DUSP16: variants seen among roughly 807,000 people sequenced by gnomAD.
DUSP16 encodes the protein dual specificity phosphatase 16, also known as dual specificity protein phosphatase 16.
Under a neutral mutation model 58.3 loss-of-function variants are expected in DUSP16, and 21 were observed. The observed-to-expected ratio is 0.36, with a 90% CI of 0.26 to 0.52. DUSP16 has a LOEUF of 0.52. Among genes scored for constraint, DUSP16 ranks in the 20% least tolerant of loss-of-function variants. DUSP16 has a pLI of 0.94. For synonymous variants in DUSP16, 320 were observed against 323.8 expected, an observed-to-expected ratio of 0.99 and a Z score of 0.12; for missense variants, 726 against 819.0, an observed-to-expected ratio of 0.89 and a Z score of 1.39.
Position 12,521,009 on chromosome 12 carries a change from A to G in DUSP16, c.90T>C (p.Asp30=). 1 of 1,614,196 alleles carries G rather than the reference A, an allele frequency of 6.2e-7. No homozygotes were observed. ...TATTGTATTCCACAAATGGCCGGCT[A>G]TCAATTAGCAGCACTTTTTCCGTTC... The part of the protein sequence containing the change: ...ESGTEKVLLI[D]SRPFVEYNTS... The change falls in exon 2 of 7, where the codon GAT becomes GAC. Residue 30 remains aspartate, a synonymous_variant. Coordinates refer to ENST00000298573, the MANE Select transcript of DUSP16 (RefSeq NM_030640.3).
chr12:12,538,340 G>A (rs1256707355), intron 1 of DUSP16, among the ~76,000 whole-genome samples: 1 of 152,174 alleles, frequency 6.6e-6, no homozygotes, highest in Non-Finnish European at 1.5e-5. Flanking sequence ...GTCATGTCAC[G>A]TCATTAAAGA....
rs1453258043 is a variant in DUSP16 at position 12,521,002 on chromosome 12, G to A, written c.97C>T (p.Pro33Ser). The A allele has an allele frequency of 1.2e-6, 2 of 1,614,148 alleles. No individual in the cohort carries two copies. The highest frequency in any genetic ancestry group is 1.1e-5 in the South Asian group (1 of 91,082). The change falls in exon 2 of 7, where the codon CCA becomes TCA. Residue 33 changes from proline (P) to serine (S), a missense_variant. By Grantham distance (74) the Pro-to-Ser change is moderately conservative. Coordinates refer to ENST00000298573, the MANE Select transcript of DUSP16 (RefSeq NM_030640.3). The part of the protein sequence containing the change: ...TEKVLLIDSR[P>S]FVEYNTSHIL... ...TGGGATGTATTGTATTCCACAAATG[G>A]CCGGCTATCAATTAGCAGCACTTTT...
chr12:12,521,318 C>T lies in DUSP16; in HGVS notation c.-220G>A. On this transcript the variant is annotated 5_prime_UTR_variant, in exon 2 of 7. Coordinates refer to ENST00000298573, the MANE Select transcript of DUSP16 (RefSeq NM_030640.3). ...GATGTGCTCTTGCAAAGGACTCCGT[C>T]CACAAAGCAGCCCCTCACATTTGAT... is the stretch of plus-strand genomic sequence containing the variant. 7.1e-7 allele frequency: 1 copy of T among 1,412,718 alleles called. No homozygotes were observed. Among genetic ancestry groups the T allele is most frequent in the Non-Finnish European group, 9.2e-7 (1 of 1,085,704 alleles). The allele number at this position is 1,412,718 out of a possible 1,614,324, so 87.5% of individuals were successfully genotyped here. A position where few individuals can be genotyped will look rare whatever the true frequency, so the allele number is the denominator to read the frequency against.
chr12:12,513,939 A>C (rs1212547542), intron 3 of DUSP16, among the ~76,000 whole-genome samples: 2 of 152,208 alleles, frequency 1.3e-5, no homozygotes, highest in South Asian at 2.1e-4. Context: ...GCCAAGAAAC[A>C]AGTTTATTTT....
chr12:12,505,408 G>A (rs764180537), intron 3 of DUSP16, among the ~76,000 whole-genome samples: 1 of 152,166 alleles, frequency 6.6e-6, no homozygotes, highest in Non-Finnish European at 1.5e-5. Context: ...AAGAAGATCC[G>A]ACAAGAACAG....
rs1943387150 is a variant in DUSP16 at position 12,474,679 on chromosome 12, T to A, written c.*2154A>T. 1 of 152,234 alleles carries A rather than the reference T, an allele frequency of 6.6e-6. No homozygotes were observed. Among genetic ancestry groups the A allele is most frequent in the East Asian group, 1.9e-4 (1 of 5,184 alleles). The allele number at this position is 152,234 out of a possible 1,614,324, so 9.4% of individuals were successfully genotyped here. Reference sequence around the variant, plus strand: ...ACAGTTCCAGAAGGAAGGGGGACCATGGCCAAGAGAAGCCCTAAATGACAG... The same window carrying A: ...ACAGTTCCAGAAGGAAGGGGGACCAAGGCCAAGAGAAGCCCTAAATGACAG... On this transcript the variant is annotated 3_prime_UTR_variant, in exon 7 of 7. Coordinates refer to ENST00000298573, the MANE Select transcript of DUSP16 (RefSeq NM_030640.3).
Position 12,520,855 on chromosome 12 carries a change from A to G in DUSP16, c.228+16T>C, listed in dbSNP as rs1944224383. 6 of 1,612,668 alleles carry G rather than the reference A, an allele frequency of 3.7e-6. No individual in the cohort carries two copies. On this transcript the variant is annotated intron_variant, in intron 2 of 6. Transcript: ENST00000298573. ...GTGTCCATTTATTTTGAAAAGGCAA[A>G]AAGGAAAGCGTTTACCTTATGTTTC...
chr12:12,506,320 G>A (rs549792592), intron 3 of DUSP16: 2 of 152,154 alleles, frequency 1.3e-5, no homozygotes, highest in Non-Finnish European at 2.9e-5. Context: ...AATGGCTAAC[G>A]GAGACAAAGA....
intron 3 of DUSP16, among the ~76,000 whole-genome samples, chr12:12,503,223 G>A (rs1943935305): frequency 8.1e-6 from 1 of 123,806 alleles, no homozygotes; most frequent in Admixed American, 8.7e-5. Context: ...ACTGGTTATT[G>A]CTTTTTTTTT....
chr12:12,487,696 G>A (rs1434892479), intron 4 of DUSP16, among the ~76,000 whole-genome samples: 4 of 152,100 alleles, frequency 2.6e-5, no homozygotes, highest in African/African-American at 4.8e-5. Flanking sequence ...TTTCCAACCC[G>A]TATCTCCAAC....
intron 4 of DUSP16, among the ~76,000 whole-genome samples, chr12:12,500,148 CAATA>C (rs1943888797): frequency 2.0e-5 from 3 of 152,110 alleles, no homozygotes; most frequent in African/African-American, 4.8e-5. Context: ...TAGTATGTTG[CAATA>C]AATAAATATA....
chr12:12,547,777 G>T (rs145597470), intron 1 of DUSP16, among the ~76,000 whole-genome samples: 1 of 152,264 alleles, frequency 6.6e-6, no homozygotes, highest in African/African-American at 2.4e-5. Flanking sequence ...CTAGCTATTG[G>T]CTGGCAACAA....
At chr12:12,548,398 G>A (rs912678839) in intron 1 of DUSP16, among the ~76,000 whole-genome samples, 2 of 152,066 alleles carry the variant, frequency 1.3e-5, no homozygotes, top group African/African-American at 4.8e-5. Context: ...CACTTTGGGA[G>A]GCCGAGGCAG....
chr12:12,524,740 A>G (rs898994039), intron 1 of DUSP16, among the ~76,000 whole-genome samples: 2 of 152,208 alleles, frequency 1.3e-5, no homozygotes, highest in Admixed American at 1.3e-4. Flanking sequence ...TTATCTATTT[A>G]TTTAGCCAGC....
chr12:12,517,385 G>C (rs892372490), intron 3 of DUSP16, among the ~76,000 whole-genome samples: 1 of 152,180 alleles, frequency 6.6e-6, no homozygotes, highest in Non-Finnish European at 1.5e-5. Context: ...AGTAGCCCCT[G>C]TGAGAAACTA....
intron 1 of DUSP16, among the ~76,000 whole-genome samples, chr12:12,532,221 T>C (rs1444927674): frequency 6.6e-6 from 1 of 151,854 alleles, no homozygotes; most frequent in South Asian, 2.1e-4. Flanking sequence ...TCAGTTAAAA[T>C]ACACATGAAA....
At chr12:12,512,549 CCA>C (rs1288849210) in intron 3 of DUSP16, among the ~76,000 whole-genome samples, 5 of 152,116 alleles carry the variant, frequency 3.3e-5, no homozygotes, top group African/African-American at 1.2e-4. Context: ...TCTTTTAGAT[CCA>C]CATGTGATAC....
chr12:12,499,671 A>C (rs1040760254), intron 4 of DUSP16, among the ~76,000 whole-genome samples: 2 of 152,236 alleles, frequency 1.3e-5, no homozygotes, highest in Non-Finnish European at 2.9e-5. Flanking sequence ...TTCCCTTTGC[A>C]TAGGAAAATA....
rs201423283 is a variant in DUSP16, at chr12:12,558,384, A to G, written c.-366+3733T>C. On this transcript the variant is annotated intron_variant, in intron 1 of 6. Transcript: ENST00000298573. ...ATCAATCACTATCCCTCAAGATTAT[A>G]TGTTTTTTTTTTTTTGATACACTGT... is the stretch of plus-strand genomic sequence containing the variant. 8.5e-4 allele frequency among the ~76,000 whole-genome samples: 121 copies of G among 142,684 alleles called. 1 individual carries two copies. Among genetic ancestry groups the G allele is most frequent in the South Asian group, 3.8e-3 (17 of 4,482 alleles). 93.6% of individuals were successfully genotyped at this position (142,684 alleles called of 152,430 possible). A position where few individuals can be genotyped will look rare whatever the true frequency, so the allele number is the denominator to read the frequency against.
Sources: allele counts gnomAD v4.1 joint callset (sites outside exome capture counted in the v4.1 genomes callset), GRCh38; gene constraint gnomAD v4.1.1; transcripts MANE v1.5; gene names NCBI Gene and HGNC (gene_info 2026-07-23, HGNC 2026-07-21).